Variants in PIP4K2B observed in about 807,000 individuals in gnomAD.
The protein encoded by PIP4K2B is phosphatidylinositol-5-phosphate 4-kinase type 2 beta, also known as phosphatidylinositol 5-phosphate 4-kinase type-2 beta.
In PIP4K2B, 3 loss-of-function variants were observed where a neutral mutation model predicts 42.0. The ratio of observed to expected loss-of-function variants is 0.07; its 90% CI spans 0.03 to 0.18. The LOEUF (loss-of-function observed/expected upper bound fraction) is 0.18. PIP4K2B is among the 10% of genes least tolerant of loss of function. PIP4K2B has a pLI of 1.00. For missense variants in PIP4K2B, 332 were observed against 562.3 expected, an observed-to-expected ratio of 0.59 and a Z score of 4.14; for synonymous variants, 204 against 210.1, an observed-to-expected ratio of 0.97 and a Z score of 0.25.
intron 9 of PIP4K2B, among the ~76,000 whole-genome samples, chr17:38,770,153 C>G (rs1908932462): frequency 6.6e-6 from 1 of 152,202 alleles, no homozygotes; most frequent in African/African-American, 2.4e-5. Context: ...AGATGCACAA[C>G]AGGCCCAGCA....
chr17:38,767,657 G>T lies in PIP4K2B; in HGVS notation c.*2034C>A, dbSNP rs1022058701. 5 of 152,232 alleles carry T rather than the reference G, an allele frequency of 3.3e-5. No individual in the cohort carries two copies. Among genetic ancestry groups the T allele is most frequent in the Non-Finnish European group, 7.3e-5 (5 of 68,044 alleles). 9.4% of individuals were successfully genotyped at this position (152,232 alleles called of 1,614,324 possible). A position where few individuals can be genotyped will look rare whatever the true frequency, so the allele number is the denominator to read the frequency against. The stretch of plus-strand genomic sequence containing the variant: ...CAGCAGACCAAATGCAGAGAAGCCG[G>T]TAGGAACCCGAGGCCACGGAGGCTG... On this transcript the variant is annotated 3_prime_UTR_variant, in exon 10 of 10. Transcript: ENST00000619039.
rs1401387592 is a variant in PIP4K2B at position 38,767,477 on chromosome 17, A to G, written c.*2214T>C. The stretch of plus-strand genomic sequence containing the variant: ...GTCAGAAAAACAAAAAGCATTTGAA[A>G]CAGAATGCTACCTCTCAAAATGTAA... On this transcript the variant is annotated 3_prime_UTR_variant, in exon 10 of 10. Coordinates refer to ENST00000619039, the MANE Select transcript of PIP4K2B (RefSeq NM_003559.5). The G allele has an allele frequency of 6.6e-6, 1 of 152,486 alleles. No individual in the cohort carries two copies. The highest frequency in any genetic ancestry group is 1.5e-5 in the Non-Finnish European group (1 of 68,042). The allele number at this position is 152,486 out of a possible 1,614,324, so 9.4% of individuals were successfully genotyped here. A position where few individuals can be genotyped will look rare whatever the true frequency, so the allele number is the denominator to read the frequency against.
intron 7 of PIP4K2B, chr17:38,776,531 TAGG>T (rs1328932212): frequency 4.5e-5 from 17 of 374,244 alleles, no homozygotes; most frequent in Middle Eastern, 8.8e-4. Context: ...GAGGCTGAGG[TAGG>T]AGAATCACTT....
intron 7 of PIP4K2B, among the ~76,000 whole-genome samples, chr17:38,773,110 A>G (rs1365327556): frequency 6.6e-6 from 1 of 152,208 alleles, no homozygotes; most frequent in African/African-American, 2.4e-5. Flanking sequence ...GTATAATAAA[A>G]TAGAATAGAA....
intron 1 of PIP4K2B, among the ~76,000 whole-genome samples, chr17:38,797,507 A>G (rs1167203927): frequency 6.6e-6 from 1 of 152,248 alleles, no homozygotes; most frequent in African/African-American, 2.4e-5. Context: ...ATACAGTCCC[A>G]TGGTGCTAGA....
chr17:38,794,384 C>T (rs1413189629), intron 1 of PIP4K2B, among the ~76,000 whole-genome samples: 2 of 151,628 alleles, frequency 1.3e-5, no homozygotes, highest in East Asian at 1.9e-4. Flanking sequence ...TGAATACGCT[C>T]TACAGAGCTG....
rs760203656 is a variant in PIP4K2B at position 38,777,783 on chromosome 17, T to C, written c.711A>G (p.Thr237=). The C allele has an allele frequency of 1.4e-5, 23 of 1,613,908 alleles. No individual in the cohort carries two copies. Among genetic ancestry groups the C allele is most frequent in the South Asian group, 4.4e-5 (4 of 91,078 alleles). The change falls in exon 7 of 10, where the codon ACA becomes ACG. Residue 237 remains threonine, a synonymous_variant. Coordinates refer to ENST00000619039, the MANE Select transcript of PIP4K2B (RefSeq NM_003559.5). ...CATTGAGGAAGTCATTGTCTTTGAA[T>C]GTTGGCAAGTCCTTGGCCTAGGAGA... is the stretch of plus-strand genomic sequence containing the variant. ...SDKEKAKDLP[T]FKDNDFLNEG...
intron 3 of PIP4K2B, among the ~76,000 whole-genome samples, chr17:38,780,987 C>T (rs1909677735): frequency 6.6e-6 from 1 of 152,150 alleles, no homozygotes; most frequent in Non-Finnish European, 1.5e-5. Flanking sequence ...CTTCTCTACC[C>T]CTGCATTTCC....
At chr17:38,776,570 G>A (rs968902288) in intron 7 of PIP4K2B, 10 of 405,194 alleles carry the variant, frequency 2.5e-5, no homozygotes, top group Non-Finnish European at 3.4e-5. Flanking sequence ...AGGTTGCAGT[G>A]AGCCGAGATC....
intron 7 of PIP4K2B, among the ~76,000 whole-genome samples, chr17:38,775,701 T>A (rs1275689818): frequency 6.6e-6 from 1 of 151,812 alleles, no homozygotes; most frequent in Non-Finnish European, 1.5e-5. Context: ...ACTAAAAAAA[T>A]ACAAAAATTA....
rs149011776 is a variant in PIP4K2B at position 38,785,612 on chromosome 17, G to A, written c.257+1211C>T. Among the ~76,000 whole-genome samples, 83 of 152,340 alleles carry A rather than the reference G, an allele frequency of 5.4e-4. 1 individual carries two copies. The East Asian group carries it at 0.014, about 25-fold the overall frequency. ...CAGAATCACTTGAACCCGGGAGGCA[G>A]AGGTTGCAGTGAGCCAAGATCGTGC... is the stretch of plus-strand genomic sequence containing the variant. On this transcript the variant is annotated intron_variant, in intron 2 of 9. Transcript: ENST00000619039.
At chr17:38,787,969 C>T (rs1910128943) in intron 1 of PIP4K2B, among the ~76,000 whole-genome samples, 7 of 152,154 alleles carry the variant, frequency 4.6e-5, no homozygotes. Flanking sequence ...CCATTACTAG[C>T]ATATATGGCA....
chr17:38,774,038 T>G (rs1236557490), intron 7 of PIP4K2B, among the ~76,000 whole-genome samples: 1 of 152,176 alleles, frequency 6.6e-6, no homozygotes, highest in Non-Finnish European at 1.5e-5. Flanking sequence ...TGGGGGTGAC[T>G]AAGGAAACGC....
At chr17:38,774,072 A>G (rs1400787397) in intron 7 of PIP4K2B, among the ~76,000 whole-genome samples, 2 of 152,236 alleles carry the variant, frequency 1.3e-5, no homozygotes, top group African/African-American at 4.8e-5. Context: ...GAAGTTTATG[A>G]CACCCATGTT....
At chr17:38,794,496 T>TAA (rs567475860) in intron 1 of PIP4K2B, among the ~76,000 whole-genome samples, 1,422 of 120,426 alleles carry the variant, frequency 0.012, 31 homozygotes, top group African/African-American at 0.041. Flanking sequence ...ACAATACAAT[T>TAA]AAAAAAAAAA....
At chr17:38,775,440 A>G (rs987852255) in intron 7 of PIP4K2B, among the ~76,000 whole-genome samples, 1 of 152,158 alleles carries the variant, frequency 6.6e-6, no homozygotes, top group Non-Finnish European at 1.5e-5. Context: ...TTGTAGAGAC[A>G]GGATCTCAGT....
At chr17:38,798,800 G>A (rs1055664095) in intron 1 of PIP4K2B, among the ~76,000 whole-genome samples, 3 of 152,190 alleles carry the variant, frequency 2.0e-5, no homozygotes, top group African/African-American at 7.2e-5. Flanking sequence ...GGAAGAATTT[G>A]AGCAGCCACA....
chr17:38,798,467 C>G (rs560324965), intron 1 of PIP4K2B, among the ~76,000 whole-genome samples: 2 of 152,170 alleles, frequency 1.3e-5, no homozygotes, highest in Non-Finnish European at 2.9e-5. Context: ...CCTATCTCTC[C>G]TATCTAGGAC....
chr17:38,779,298 C>A, intron 5 of PIP4K2B, 85 bp downstream of exon 5: 1 of 1,362,060 alleles, frequency 7.3e-7, no homozygotes. Flanking sequence ...CTCCAGCTTC[C>A]CAATTACATG....
Sources: allele counts gnomAD v4.1 joint callset (sites outside exome capture counted in the v4.1 genomes callset), GRCh38; gene constraint gnomAD v4.1.1; transcripts MANE v1.5; gene names NCBI Gene and HGNC (gene_info 2026-07-23, HGNC 2026-07-21).